Variants in CCDC175 observed in about 807,000 individuals in gnomAD.
The protein encoded by CCDC175 is coiled-coil domain-containing protein 175.
Under a neutral mutation model 114.6 loss-of-function variants are expected in CCDC175, and 100 were observed. That is an observed-to-expected ratio of 0.87 (90% CI 0.74 to 1.03). CCDC175 has a LOEUF of 1.03. Among genes scored for constraint, CCDC175 ranks in the 50% least tolerant of loss-of-function variants. The probability of loss-of-function intolerance (pLI) is 0.00; values close to 1 mark genes in which losing one functional copy is unlikely to be tolerated. For missense variants in CCDC175, 880 were observed against 917.8 expected (o/e 0.96, Z 0.53); for synonymous variants, 306 against 308.7 (o/e 0.99, Z 0.09).
At chr14:59,540,918 CTA>C (rs895754735) in intron 10 of CCDC175, among the ~76,000 whole-genome samples, 172 bp from the exon 11 acceptor site, 14 of 152,216 alleles carry the variant, frequency 9.2e-5, no homozygotes, top group African/African-American at 3.4e-4. Flanking sequence ...AATTGCAATT[CTA>C]TGTTAGTGCA....
intron 13 of CCDC175, among the ~76,000 whole-genome samples, chr14:59,535,274 C>T (rs1595018823): frequency 6.6e-6 from 1 of 152,156 alleles, no homozygotes; most frequent in Non-Finnish European, 1.5e-5. Flanking sequence ...CGAGTGCAGG[C>T]TGGAGGCTTG....
At chr14:59,536,794 G>GT (rs1187382733) in intron 13 of CCDC175, among the ~76,000 whole-genome samples, 14 of 151,984 alleles carry the variant, frequency 9.2e-5, no homozygotes, top group African/African-American at 3.4e-4. Context: ...TTGTTTGTTT[G>GT]TTTTTGAGAT....
Position 59,521,622 on chromosome 14 carries a change from G to A in CCDC175, c.2050C>T (p.Leu684Phe), listed in dbSNP as rs17096349. 3,005 of 1,535,506 alleles carry A rather than the reference G, an allele frequency of 2.0e-3. 38 individuals carry two copies. The African/African-American group carries it at 0.036, about 19-fold the overall frequency. ...GACAAGTCGCTTGAGGTGTGCATGA[G>A]GGCTTCTTGTCCTTCTCTGTATTTC... ...IEKYREGQEA[L>F]MHTSSDLSRQ... Residue 684 changes from leucine (L) to phenylalanine (F), a missense_variant, in exon 17 of 20, where the codon CTC becomes TTC. Transcript: ENST00000537690.
Position 59,560,682 on chromosome 14 carries a change from G to A in CCDC175, c.953+437C>T, listed in dbSNP as rs552023873. Among the ~76,000 whole-genome samples, 13 of 152,288 alleles carry A rather than the reference G, an allele frequency of 8.5e-5. No homozygotes were observed. The South Asian group carries it at 2.1e-3, about 24-fold the overall frequency. On this transcript the variant is annotated intron_variant, in intron 7 of 19. Coordinates refer to ENST00000537690, the MANE Select transcript of CCDC175 (RefSeq NM_001164399.2). ...CTTCAGTTTCTGGTTCCAGTCCCAC[G>A]TGTAGCAGTTTTTGCCCTGAGGCTT...
intron 17 of CCDC175, among the ~76,000 whole-genome samples, chr14:59,520,634 T>C (rs1893375675): frequency 6.6e-6 from 1 of 152,192 alleles, no homozygotes; most frequent in Admixed American, 6.5e-5. Context: ...AAATAAAATA[T>C]GGTATATCTA....
At chr14:59,510,266 T>C (rs1892667444) in intron 19 of CCDC175, among the ~76,000 whole-genome samples, 2 of 152,300 alleles carry the variant, frequency 1.3e-5, no homozygotes, top group South Asian at 4.1e-4. Context: ...TCTGAGAAGG[T>C]AACAGTTGCT....
At chr14:59,528,340 T>C (rs2139998476) in intron 14 of CCDC175, among the ~76,000 whole-genome samples, 1 of 152,286 alleles carries the variant, frequency 6.6e-6, no homozygotes, top group South Asian at 2.1e-4. Flanking sequence ...CTTTTAAATA[T>C]TGTTTTGGGG....
intron 7 of CCDC175, among the ~76,000 whole-genome samples, chr14:59,558,923 A>G (rs1459667701): frequency 6.6e-6 from 1 of 152,174 alleles, no homozygotes; most frequent in Non-Finnish European, 1.5e-5. Context: ...AAAAAGCAGC[A>G]GCCAGTGTGA....
chr14:59,548,757 A>C (rs1287225438), intron 8 of CCDC175, among the ~76,000 whole-genome samples: 2 of 152,230 alleles, frequency 1.3e-5, no homozygotes, highest in Non-Finnish European at 2.9e-5. Context: ...CAAATAAAAG[A>C]ATCACAGTAG....
In CCDC175 at chr14:59,545,143, A is replaced by T. The variant is rs1019737220; in HGVS notation, c.1172+20T>A. ...CCATAATGATGGCATGTTGAATCACACGTGTGGGTAAAGACATACTCATCA... is the reference window on the plus strand; with the variant it reads ...CCATAATGATGGCATGTTGAATCACTCGTGTGGGTAAAGACATACTCATCA... On this transcript the variant is annotated intron_variant, in intron 9 of 19. Coordinates refer to ENST00000537690, the MANE Select transcript of CCDC175 (RefSeq NM_001164399.2). 9 of 1,532,654 alleles carry T rather than the reference A, an allele frequency of 5.9e-6. No homozygotes were observed. In the African/African-American group the frequency reaches 1.2e-4, roughly 21 times the overall value. 94.9% of individuals were successfully genotyped at this position (1,532,654 alleles called of 1,614,324 possible). A position where few individuals can be genotyped will look rare whatever the true frequency, so the allele number is the denominator to read the frequency against.
intron 7 of CCDC175, among the ~76,000 whole-genome samples, chr14:59,558,946 G>A (rs188878005): frequency 2.0e-5 from 3 of 152,204 alleles, no homozygotes; most frequent in African/African-American, 7.2e-5. Context: ...AGTGAAATAA[G>A]AAAACATGAT....
At chr14:59,512,547 CTCTA>C (rs537429801) in intron 17 of CCDC175, among the ~76,000 whole-genome samples, 74 of 152,254 alleles carry the variant, frequency 4.9e-4, no homozygotes, top group African/African-American at 1.7e-3. Flanking sequence ...GCTGATTTTA[CTCTA>C]TCTTTCACTG....
At chr14:59,568,175 C>G in intron 4 of CCDC175, 70 bp downstream of exon 4, 2 of 1,421,986 alleles carry the variant, frequency 1.4e-6, no homozygotes, top group Non-Finnish European at 1.8e-6. Context: ...AGAGTAAACC[C>G]CTCCCGACAA....
chr14:59,567,180 A>C (rs2140120242), intron 4 of CCDC175, among the ~76,000 whole-genome samples: 1 of 152,372 alleles, frequency 6.6e-6, no homozygotes, highest in East Asian at 1.9e-4. Flanking sequence ...GGAATAGTCT[A>C]GTTTATGTAG....
chr14:59,538,021 A>T lies in CCDC175; in HGVS notation c.1623+2T>A. 2 of 1,518,642 alleles carry T rather than the reference A, an allele frequency of 1.3e-6. No homozygotes were observed. 94.1% of individuals were successfully genotyped at this position (1,518,642 alleles called of 1,614,324 possible). A position where few individuals can be genotyped will look rare whatever the true frequency, so the allele number is the denominator to read the frequency against. On this transcript the variant is annotated splice_donor_variant, in intron 13 of 19. Coordinates refer to ENST00000537690, the MANE Select transcript of CCDC175 (RefSeq NM_001164399.2). LOFTEE classifies it high-confidence loss of function. ...TATTCTTAGATGCAAAATAAAATTTACCTCATACTTGCTTAACTCTTTCAT... is the reference window on the plus strand; with the variant it reads ...TATTCTTAGATGCAAAATAAAATTTTCCTCATACTTGCTTAACTCTTTCAT...
Position 59,551,082 on chromosome 14 carries a change from A to G in CCDC175, c.1035+273T>C, listed in dbSNP as rs76144876. The G allele has an allele frequency of 2.9e-3, 672 of 231,302 alleles. 2 individuals are homozygous for G. Among genetic ancestry groups the G allele is most frequent in the African/African-American group, 0.014 (617 of 44,830 alleles). The allele number at this position is 231,302 out of a possible 1,614,324, so 14.3% of individuals were successfully genotyped here. The stretch of plus-strand genomic sequence containing the variant: ...TAAATAATTCACATCAAAAATATCC[A>G]TTAATCCATTAATCATGGATAGTCC... On this transcript the variant is annotated intron_variant, in intron 8 of 19. Coordinates refer to ENST00000537690, the MANE Select transcript of CCDC175 (RefSeq NM_001164399.2).
chr14:59,530,794 A>G (rs910047988), intron 14 of CCDC175, among the ~76,000 whole-genome samples: 1 of 152,154 alleles, frequency 6.6e-6, no homozygotes, highest in East Asian at 1.9e-4. Flanking sequence ...TCCTATCCCC[A>G]TATTTGTCTT....
At chr14:59,548,900 GAGGCAGATATTATGCTTTGT>G (rs1895276332) in intron 8 of CCDC175, among the ~76,000 whole-genome samples, 1 of 152,200 alleles carries the variant, frequency 6.6e-6, no homozygotes, top group Non-Finnish European at 1.5e-5. Context: ...CATGGGTACA[GAGGCAGATATTATGCTTTGT>G]AAAAGAGGGA....
intron 10 of CCDC175, among the ~76,000 whole-genome samples, chr14:59,540,975 G>A (rs1163837595): frequency 2.0e-5 from 3 of 152,178 alleles, no homozygotes; most frequent in Non-Finnish European, 4.4e-5. Flanking sequence ...GGATAGAGAA[G>A]AGATTTCTGG....
Sources: gnomAD v4.1 joint callset for allele counts (sites outside exome capture counted in the v4.1 genomes callset) on GRCh38, gnomAD v4.1.1 for gene constraint, MANE v1.5 for transcripts, NCBI Gene and HGNC (gene_info 2026-07-23, HGNC 2026-07-21) for gene names.